PDPR: variants seen among roughly 807,000 people sequenced by gnomAD.
PDPR encodes the protein pyruvate dehydrogenase phosphatase regulatory subunit, mitochondrial.
A neutral mutation model predicts 102.2 loss-of-function variants in PDPR; 50 were observed. That is an observed-to-expected ratio of 0.49 (90% CI 0.39 to 0.62). The LOEUF (loss-of-function observed/expected upper bound fraction) is 0.62. PDPR is among the 20% of genes least tolerant of loss of function. PDPR has a pLI of 0.00. For synonymous variants in PDPR, 259 were observed against 406.0 expected, an observed-to-expected ratio of 0.64 and a Z score of 4.35; for missense variants, 625 against 1,098.2, an observed-to-expected ratio of 0.57 and a Z score of 6.09.
In PDPR at chr16:70,157,031, T is replaced by A; in HGVS notation, c.*152T>A. On this transcript the variant is annotated 3_prime_UTR_variant, in exon 19 of 19. Transcript: ENST00000288050. Reference sequence around the variant, plus strand: ...ATATAATTTTGAACTTGACCTACTTTAAACTTTTTTGCTCTGCAGCCTTCC... The same window carrying A: ...ATATAATTTTGAACTTGACCTACTTAAAACTTTTTTGCTCTGCAGCCTTCC... The A allele has an allele frequency of 8.5e-7, 1 of 1,183,102 alleles. No individual in the cohort carries two copies. Among genetic ancestry groups the A allele is most frequent in the Non-Finnish European group, 1.2e-6 (1 of 823,190 alleles). 73.3% of individuals were successfully genotyped at this position (1,183,102 alleles called of 1,614,324 possible).
intron 17 of PDPR, among the ~76,000 whole-genome samples, chr16:70,152,411 C>G (rs527763738): frequency 6.6e-6 from 1 of 152,264 alleles, no homozygotes; most frequent in African/African-American, 2.4e-5. Context: ...ACCAGCTACT[C>G]GGGAGGCTGA....
At chr16:70,115,467 G>T (rs1279791369) in intron 2 of PDPR, among the ~76,000 whole-genome samples, 1 of 152,218 alleles carries the variant, frequency 6.6e-6, no homozygotes, top group African/African-American at 2.4e-5. Context: ...TGGTGTACTT[G>T]TTGAAAAATA....
At chr16:70,118,166 T>G (rs111500541) in intron 2 of PDPR, among the ~76,000 whole-genome samples, 1 of 85,822 alleles carries the variant, frequency 1.2e-5, no homozygotes, top group Admixed American at 1.0e-4. Flanking sequence ...GAAAGAGAGA[T>G]AGCAGTTGAT....
intron 18 of PDPR, among the ~76,000 whole-genome samples, chr16:70,155,793 T>TAA (rs546477345): frequency 6.7e-6 from 1 of 149,538 alleles, no homozygotes; most frequent in African/African-American, 2.5e-5. Flanking sequence ...TGGGATTATA[T>TAA]AAAAAAGTCT....
intron 16 of PDPR, 108 bp from the exon 17 acceptor site, chr16:70,148,356 C>G: frequency 1.2e-6 from 1 of 864,420 alleles, no homozygotes; most frequent in South Asian, 1.5e-5. Context: ...CGTCTGTCTC[C>G]CTCAACAGTA....
chr16:70,127,063 G>T (rs8044841), intron 3 of PDPR, among the ~76,000 whole-genome samples, 197 bp from the exon 4 acceptor site: 1 of 151,968 alleles, frequency 6.6e-6, no homozygotes, highest in South Asian at 2.1e-4. Flanking sequence ...GACCAGGCTG[G>T]TCGTAAACCC....
chr16:70,137,128 G>A (rs571809048), intron 10 of PDPR, among the ~76,000 whole-genome samples: 19 of 152,300 alleles, frequency 1.2e-4, no homozygotes, highest in African/African-American at 3.1e-4. Context: ...CGAGGTGGGC[G>A]GATCACAAGG....
In PDPR at chr16:70,157,355, C is replaced by T. The variant is rs994483855; in HGVS notation, c.*476C>T. Reference sequence around the variant, plus strand: ...TGCAGCCCTGAGGGGCAGCTCGTGCCTGCAGCCCGGCAGCTCGTTCTCCTG... The same window carrying T: ...TGCAGCCCTGAGGGGCAGCTCGTGCTTGCAGCCCGGCAGCTCGTTCTCCTG... On this transcript the variant is annotated 3_prime_UTR_variant, in exon 19 of 19. Coordinates refer to ENST00000288050, the MANE Select transcript of PDPR (RefSeq NM_017990.5). 1.0e-4 allele frequency: 38 copies of T among 374,118 alleles called. No individual in the cohort carries two copies. The highest frequency in any genetic ancestry group is 2.8e-4 in the Admixed American group (8 of 28,764). The allele number at this position is 374,118 out of a possible 1,614,324, so 23.2% of individuals were successfully genotyped here. A position where few individuals can be genotyped will look rare whatever the true frequency, so the allele number is the denominator to read the frequency against.
In PDPR at chr16:70,148,507, T is replaced by G. The variant is rs1966424267; in HGVS notation, c.2006T>G (p.Met669Arg). Residue 669 changes from methionine (M) to arginine (R), a missense_variant, in exon 17 of 19, where the codon ATG becomes AGG. Met to Arg is a moderately conservative substitution (Grantham distance 91). This residue lies in a region of PDPR where 36 missense variants were observed against 62.8 expected (regional missense o/e 0.57). Coordinates refer to ENST00000288050, the MANE Select transcript of PDPR (RefSeq NM_017990.5). ...GCAAATGGGATCCGGGTGATGAGCA[T>G]GACGCACACAGGAGAGCCAGGATTC... ...GYANGIRVMS[M>R]THTGEPGFML... 1 of 1,613,690 alleles carries G rather than the reference T, an allele frequency of 6.2e-7. No homozygotes were observed. Among genetic ancestry groups the G allele is most frequent in the African/African-American group, 1.3e-5 (1 of 75,062 alleles).
At chr16:70,119,924 GTTTT>G (rs1173464927) in intron 2 of PDPR, among the ~76,000 whole-genome samples, 21 of 143,864 alleles carry the variant, frequency 1.5e-4, no homozygotes, top group Non-Finnish European at 2.8e-4. Flanking sequence ...TTGTTTGTTT[GTTTT>G]TTTTTTGAGA....
At chr16:70,128,641 G>A in intron 4 of PDPR, 143 bp from the exon 5 acceptor site, 1 of 1,485,500 alleles carries the variant, frequency 6.7e-7, no homozygotes, top group Non-Finnish European at 9.1e-7. Flanking sequence ...GAAGCTCAGA[G>A]AAGCTGATTT....
chr16:70,129,872 A>T (rs1165852660), intron 6 of PDPR, among the ~76,000 whole-genome samples: 1 of 152,398 alleles, frequency 6.6e-6, no homozygotes, highest in East Asian at 1.9e-4. Flanking sequence ...TCCATAGTTT[A>T]TGATTCCAGG....
intron 11 of PDPR, among the ~76,000 whole-genome samples, chr16:70,139,387 G>A (rs540231173): frequency 6.6e-6 from 1 of 152,346 alleles, no homozygotes; most frequent in East Asian, 1.9e-4. Flanking sequence ...CTGTGTCGAA[G>A]TGAATGCTTT....
chr16:70,152,774 T>C (rs1966835665), intron 17 of PDPR, among the ~76,000 whole-genome samples: 1 of 152,264 alleles, frequency 6.6e-6, no homozygotes. Context: ...TTGCTTTCAG[T>C]TTGGAAAACC....
chr16:70,151,971 C>T (rs994370675), intron 17 of PDPR, among the ~76,000 whole-genome samples: 4 of 152,292 alleles, frequency 2.6e-5, no homozygotes, highest in African/African-American at 4.8e-5. Flanking sequence ...GCATTAGTCA[C>T]GTAGTTGGAT....
At chr16:70,135,571 G>A (rs1280257654) in intron 9 of PDPR, among the ~76,000 whole-genome samples, 6 of 152,378 alleles carry the variant, frequency 3.9e-5, no homozygotes, top group African/African-American at 7.2e-5. Flanking sequence ...CTCTGTGGCC[G>A]CCATTTAAGA....
At position 70,157,074 on chromosome 16, in the gene PDPR, C is replaced by T. The variant is rs780451252; in HGVS notation, c.*195C>T. On this transcript the variant is annotated 3_prime_UTR_variant, in exon 19 of 19. Coordinates refer to ENST00000288050, the MANE Select transcript of PDPR (RefSeq NM_017990.5). Reference sequence around the variant, plus strand: ...AGCCTTCCTTGCCCTTCCACCTCCTCCTCCTAATATTCACTCTGGGCTCTT... The same window carrying T: ...AGCCTTCCTTGCCCTTCCACCTCCTTCTCCTAATATTCACTCTGGGCTCTT... 1 of 788,796 alleles carries T rather than the reference C, an allele frequency of 1.3e-6. No homozygotes were observed. Among genetic ancestry groups the T allele is most frequent in the South Asian group, 1.5e-5 (1 of 67,924 alleles). 48.9% of individuals were successfully genotyped at this position (788,796 alleles called of 1,614,324 possible).
chr16:70,146,405 A>G (rs1966246203), intron 16 of PDPR, among the ~76,000 whole-genome samples, 177 bp downstream of exon 16: 1 of 150,092 alleles, frequency 6.7e-6, no homozygotes. Context: ...GATCACCCAA[A>G]GTCAGGAGTT....
intron 17 of PDPR, among the ~76,000 whole-genome samples, chr16:70,152,896 C>T (rs527931364): frequency 1.0e-4 from 16 of 152,384 alleles, no homozygotes; most frequent in South Asian, 4.1e-4. Context: ...CTGGCTCCCC[C>T]GCCGTCATCC....
Sources: allele counts gnomAD v4.1 joint callset (sites outside exome capture counted in the v4.1 genomes callset), GRCh38; gene constraint gnomAD v4.1.1; regional missense constraint gnomAD v4.1.1; transcripts MANE v1.5; gene names NCBI Gene and HGNC (gene_info 2026-07-23, HGNC 2026-07-21).